The following STARD9 variants were observed in gnomAD, a reference collection of about 807,000 sequenced individuals.
STARD9 encodes the protein stAR-related lipid transfer protein 9.
In STARD9, 346 loss-of-function variants were observed where a neutral mutation model predicts 399.8. That is an observed-to-expected ratio of 0.87 (90% confidence interval 0.79 to 0.95). The LOEUF is 0.95. STARD9 is among the 40% of genes least tolerant of loss of function. The pLI is 0.00. For synonymous variants in STARD9, 2,203 were observed against 2,143.5 expected (o/e 1.03, Z -0.77); for missense variants, 5,832 against 5,667.5 (o/e 1.03, Z -0.93).
chr15:42,602,510 G>C (rs958009863), intron 3 of STARD9, among the ~76,000 whole-genome samples: 4 of 152,208 alleles, frequency 2.6e-5, no homozygotes, highest in African/African-American at 9.7e-5. Context: ...ATGGGAGCAG[G>C]CTGAGCACTG....
intron 1 of STARD9, among the ~76,000 whole-genome samples, chr15:42,580,961 T>C (rs2058156695): frequency 6.6e-6 from 1 of 152,196 alleles, no homozygotes; most frequent in Admixed American, 6.5e-5. Context: ...CAGATGAAGC[T>C]CATCTTCCCA....
intron 3 of STARD9, among the ~76,000 whole-genome samples, chr15:42,586,868 G>T (rs1328465570): frequency 9.2e-5 from 14 of 151,554 alleles, no homozygotes; most frequent in Non-Finnish European, 2.1e-4. Flanking sequence ...TGGGGGGCCG[G>T]GGGGCGGAGA....
chr15:42,692,328 C>G lies in STARD9; in HGVS notation c.10750C>G (p.His3584Asp), dbSNP rs2060728953. The change falls in exon 23 of 33, where the codon CAT becomes GAT. Residue 3584 changes from histidine (H) to aspartate (D), a missense_variant. This residue lies in a region of STARD9 where 5,828 missense variants were observed against 5,651.1 expected (regional missense o/e 1.03). Coordinates refer to ENST00000290607, the MANE Select transcript of STARD9 (RefSeq NM_020759.3). Reference sequence around the variant, plus strand: ...TGAAGGAGTAGCCCCCACTTCGGGTCATGACAGAAGGCCTCAGTTCAGGGG... The same window carrying G: ...TGAAGGAGTAGCCCCCACTTCGGGTGATGACAGAAGGCCTCAGTTCAGGGG... The part of the protein sequence containing the change: ...SPEGVAPTSG[H>D]DRRPQFRGPS... 1 of 1,537,020 alleles carries G rather than the reference C, an allele frequency of 6.5e-7. No homozygotes were observed. Among genetic ancestry groups the G allele is most frequent in the African/African-American group, 1.4e-5 (1 of 73,154 alleles).
chr15:42,686,216 C>T lies in STARD9; in HGVS notation c.4638C>T (p.Asn1546=), dbSNP rs937325182. The T allele has an allele frequency of 3.9e-6, 6 of 1,537,594 alleles. No homozygotes were observed. The highest frequency in any genetic ancestry group is 4.4e-6 in the Non-Finnish European group (5 of 1,147,032). ...PRVSSNLNLN[N]FPVHLSRIRR... ...TATCTAGCAATCTGAATCTCAACAA[C>T]TTTCCAGTCCATCTGTCCAGAATCA... is the stretch of plus-strand genomic sequence containing the variant. Residue 1546 remains asparagine, a synonymous_variant, in exon 23 of 33, where the codon AAC becomes AAT. Transcript: ENST00000290607.
At chr15:42,715,395 A>G (rs1010752109) in intron 26 of STARD9, among the ~76,000 whole-genome samples, 5 of 152,118 alleles carry the variant, frequency 3.3e-5, no homozygotes, top group African/African-American at 1.2e-4. Context: ...TAAAGATGAG[A>G]GAAGCCGGGC....
At chr15:42,629,814 T>C (rs561336227) in intron 3 of STARD9, 1 of 152,208 alleles carries the variant, frequency 6.6e-6, no homozygotes, top group South Asian at 2.1e-4. Context: ...TCAAGGGTTT[T>C]TTTTTCTCAT....
chr15:42,654,866 C>G (rs1306418180), intron 9 of STARD9, among the ~76,000 whole-genome samples: 3 of 152,150 alleles, frequency 2.0e-5, no homozygotes. Context: ...AAGCAGTCTA[C>G]AAATTCAATG....
intron 3 of STARD9, among the ~76,000 whole-genome samples, chr15:42,627,406 A>G (rs1399704467): frequency 6.6e-6 from 1 of 152,208 alleles, no homozygotes; most frequent in Non-Finnish European, 1.5e-5. Context: ...GGTAAATGGG[A>G]TATCCATCAC....
intron 26 of STARD9, among the ~76,000 whole-genome samples, chr15:42,703,530 A>ATT (rs35809542): frequency 0.059 from 7,910 of 135,062 alleles, 327 homozygotes; most frequent in African/African-American, 0.11. Flanking sequence ...TGCCTGGCTG[A>ATT]TTTTTTTTTT....
At chr15:42,589,082 T>C (rs1490676690) in intron 3 of STARD9, among the ~76,000 whole-genome samples, 1 of 152,156 alleles carries the variant, frequency 6.6e-6, no homozygotes, top group East Asian at 1.9e-4. Context: ...CCCAAAGTGC[T>C]GGGATTACAG....
chr15:42,691,253 C>T lies in STARD9; in HGVS notation c.9675C>T (p.Gly3225=). 1 of 1,537,266 alleles carries T rather than the reference C, an allele frequency of 6.5e-7. No homozygotes were observed. Among genetic ancestry groups the T allele is most frequent in the Non-Finnish European group, 8.7e-7 (1 of 1,146,894 alleles). Residue 3225 remains glycine (G), a synonymous_variant, in exon 23 of 33, where the codon GGC becomes GGT. Transcript: ENST00000290607. ...ACCAGGCTTCAGGTGGTGGAGAAGG[C>T]TTCGCCCAGGGTGTGAATCCCCTTC... ...HRDQASGGGE[G]FAQGVNPLPD...
At position 42,692,404 on chromosome 15, in the gene STARD9, G is replaced by T; in HGVS notation, c.10826G>T (p.Gly3609Val). The change falls in exon 23 of 33, where the codon GGA (glycine) becomes GTA (valine). Residue 3609 changes from glycine to valine, a missense_variant. Physicochemically the swap from Gly to Val is moderately radical, Grantham distance 109. Around this residue, in one of 2 missense-constraint regions of STARD9, gnomAD observed 5,828 missense variants for 5,651.1 expected, o/e 1.03. Transcript: ENST00000290607. The part of the protein sequence containing the change: ...CLRSKPPLAK[G>V]SAAGPVDEIM... ...AGGAGTAAGCCCCCCTTGGCCAAAG[G>T]AAGTGCTGCAGGTCCAGTGGATGAG... 1 of 1,537,044 alleles carries T rather than the reference G, an allele frequency of 6.5e-7. No individual in the cohort carries two copies. The highest frequency in any genetic ancestry group is 8.7e-7 in the Non-Finnish European group (1 of 1,146,918).
chr15:42,688,799 G>C lies in STARD9; in HGVS notation c.7221G>C (p.Trp2407Cys), dbSNP rs756467342. ...RGRSSEAHTA[W>C]CGSVRSMAMG... is the part of the protein sequence containing the mutation. ...GTTCCTCTGAGGCACACACTGCCTGGTGTGGGTCTGTGCGATCCATGGCCA... is the reference window on the plus strand; with the variant it reads ...GTTCCTCTGAGGCACACACTGCCTGCTGTGGGTCTGTGCGATCCATGGCCA... The change falls in exon 23 of 33, where the codon TGG becomes TGC. Residue 2407 changes from tryptophan (W) to cysteine (C), a missense_variant. Trp to Cys is a radical substitution (Grantham distance 215, BLOSUM62 -2). This residue lies in a region of STARD9 where 5,828 missense variants were observed against 5,651.1 expected (regional missense o/e 1.03). Transcript: ENST00000290607. 1 of 1,537,466 alleles carries C rather than the reference G, an allele frequency of 6.5e-7. No homozygotes were observed. Among genetic ancestry groups the C allele is most frequent in the South Asian group, 1.2e-5 (1 of 84,060 alleles).
chr15:42,615,702 A>G (rs566922040), intron 3 of STARD9, among the ~76,000 whole-genome samples: 1 of 151,406 alleles, frequency 6.6e-6, no homozygotes, highest in South Asian at 2.1e-4. Flanking sequence ...GAGAAGGGAG[A>G]TGAAAAGGAG....
chr15:42,660,189 G>A (rs2059966693), intron 9 of STARD9, among the ~76,000 whole-genome samples: 1 of 152,208 alleles, frequency 6.6e-6, no homozygotes, highest in South Asian at 2.1e-4. Flanking sequence ...CTGGGGATGG[G>A]AACAGAATGA....
At chr15:42,604,140 T>A (rs557979952) in intron 3 of STARD9, among the ~76,000 whole-genome samples, 7 of 152,198 alleles carry the variant, frequency 4.6e-5, no homozygotes, top group Non-Finnish European at 1.0e-4. Flanking sequence ...AGGTTAGAAG[T>A]AAGATGGAGT....
At chr15:42,700,882 C>A (rs572295931) in intron 26 of STARD9, among the ~76,000 whole-genome samples, 2 of 152,248 alleles carry the variant, frequency 1.3e-5, no homozygotes, top group South Asian at 4.1e-4. Flanking sequence ...ATGTTGTCTT[C>A]TTGTAGTTTC....
At chr15:42,583,770 T>C (rs537910025) in intron 2 of STARD9, among the ~76,000 whole-genome samples, 9 of 152,154 alleles carry the variant, frequency 5.9e-5, no homozygotes, top group Non-Finnish European at 1.2e-4. Context: ...CCAGTTAAAC[T>C]TTGTCCTTAT....
intron 3 of STARD9, among the ~76,000 whole-genome samples, chr15:42,620,798 A>C (rs1283240420): frequency 2.6e-5 from 4 of 151,460 alleles, no homozygotes; most frequent in Admixed American, 6.6e-5. Context: ...TGTGTCGCCC[A>C]GGCTGGAGTG....
Sources: gnomAD v4.1 joint callset for allele counts (sites outside exome capture counted in the v4.1 genomes callset) on GRCh38, gnomAD v4.1.1 for gene constraint, gnomAD v4.1.1 regional missense constraint, MANE v1.5 for transcripts, NCBI Gene and HGNC (gene_info 2026-07-23, HGNC 2026-07-21) for gene names.